TNKS2: variants seen among roughly 807,000 people sequenced by gnomAD.
The protein encoded by TNKS2 is poly [ADP-ribose] polymerase tankyrase-2.
Under a neutral mutation model 137.6 loss-of-function variants are expected in TNKS2, and 72 were observed. The observed-to-expected ratio is 0.52, with a 90% CI of 0.43 to 0.64. TNKS2 has a LOEUF of 0.64. Ranked by LOEUF, TNKS2 falls within the 30% of genes least tolerant of loss-of-function variation. TNKS2 has a pLI of 0.00. For missense variants in TNKS2, 1,049 were observed against 1,410.2 expected (o/e 0.74, Z 4.10); for synonymous variants, 516 against 512.1 (o/e 1.01, Z -0.10).
intron 1 of TNKS2, among the ~76,000 whole-genome samples, chr10:91,804,921 G>C (rs61874698): frequency 1.3e-5 from 2 of 152,000 alleles, no homozygotes; most frequent in Non-Finnish European, 2.9e-5. Context: ...GTACCACCAC[G>C]CCTGGCTAAT....
chr10:91,851,064 T>C (rs1842526020), intron 20 of TNKS2, 152 bp from the exon 21 acceptor site: 8 of 1,035,468 alleles, frequency 7.7e-6, no homozygotes, highest in Non-Finnish European at 1.1e-5. Flanking sequence ...TTAGTTCTGC[T>C]CAGGTTCTTA....
In TNKS2 at chr10:91,844,953, G is replaced by C; in HGVS notation, c.2094G>C (p.Leu698Phe). 1 of 1,613,012 alleles carries C rather than the reference G, an allele frequency of 6.2e-7. No individual in the cohort carries two copies. Among genetic ancestry groups the C allele is most frequent in the Non-Finnish European group, 8.5e-7 (1 of 1,179,440 alleles). ...ATAATTTAGAAGTTGCAGAGTATTT[G>C]TTACAACACGGAGCTGATGTGAATG... is the stretch of plus-strand genomic sequence containing the variant. ...GYNNLEVAEY[L>F]LQHGADVNAQ... Residue 698 changes from leucine to phenylalanine, a missense_variant, in exon 17 of 27, where the codon TTG becomes TTC. Leu to Phe is a conservative substitution (Grantham distance 22). Coordinates refer to ENST00000371627, the MANE Select transcript of TNKS2 (RefSeq NM_025235.4).
chr10:91,813,971 A>G (rs1253879621), intron 2 of TNKS2, among the ~76,000 whole-genome samples: 1 of 152,156 alleles, frequency 6.6e-6, no homozygotes, highest in Non-Finnish European at 1.5e-5. Flanking sequence ...ATAATAACCA[A>G]CTTTGTTACT....
chr10:91,836,324 G>A (rs1293422591), intron 12 of TNKS2, among the ~76,000 whole-genome samples: 1 of 151,694 alleles, frequency 6.6e-6, no homozygotes, highest in Non-Finnish European at 1.5e-5. Flanking sequence ...GTATTTTTAG[G>A]GTTTAATTTT....
Position 91,863,740 on chromosome 10 carries a change from GT to G in TNKS2, c.*742del, listed in dbSNP as rs1842911371. The G allele has an allele frequency of 1.3e-5, 2 of 152,158 alleles. No individual in the cohort carries two copies. Among genetic ancestry groups the G allele is most frequent in the South Asian group, 4.1e-4 (2 of 4,826 alleles). The allele number at this position is 152,158 out of a possible 1,614,324, so 9.4% of individuals were successfully genotyped here. A position where few individuals can be genotyped will look rare whatever the true frequency, so the allele number is the denominator to read the frequency against. On this transcript the variant is annotated 3_prime_UTR_variant, in exon 27 of 27. Transcript: ENST00000371627. ...TTCCAAAGAGCTCTAACTATGATAGGTCCTGATTACTAAAGAAGCTTCTTTA... is the reference window on the plus strand; with the variant it reads ...TTCCAAAGAGCTCTAACTATGATAGGCCTGATTACTAAAGAAGCTTCTTTA...
chr10:91,820,131 A>T (rs1844840227), intron 6 of TNKS2, 98 bp downstream of exon 6: 1 of 749,732 alleles, frequency 1.3e-6, no homozygotes, highest in African/African-American at 1.8e-5. Flanking sequence ...ACTAAATAAC[A>T]TTAATATATA....
chr10:91,849,388 C>T (rs1030356447), intron 19 of TNKS2, 124 bp from the exon 20 acceptor site: 3 of 680,312 alleles, frequency 4.4e-6, no homozygotes, highest in African/African-American at 3.7e-5. Context: ...AGTATTATAT[C>T]CTAAGTGGCT....
intron 7 of TNKS2, among the ~76,000 whole-genome samples, chr10:91,824,296 C>T (rs1297314523): frequency 6.6e-6 from 1 of 152,220 alleles, no homozygotes; most frequent in Admixed American, 6.5e-5. Flanking sequence ...TGGCATTTAA[C>T]AGCAAACACC....
rs141217618 is a variant in TNKS2 at position 91,804,720 on chromosome 10, C to G, written c.199+5831C>G. ...GAGACCATAACAATAGAGATTTTAT[C>G]AAGGATTACTCCTCAGTTTGGGAAG... On this transcript the variant is annotated intron_variant, in intron 1 of 26. Transcript: ENST00000371627. 2.1e-3 allele frequency among the ~76,000 whole-genome samples: 327 copies of G among 152,250 alleles called. 1 individual carries two copies. The highest frequency in any genetic ancestry group is 5.4e-3 in the Admixed American group (82 of 15,292).
At position 91,813,055 on chromosome 10, in the gene TNKS2, G is replaced by A; in HGVS notation, c.272G>A (p.Gly91Asp). 6.2e-7 allele frequency: 1 copy of A among 1,614,088 alleles called. No individual in the cohort carries two copies. The highest frequency in any genetic ancestry group is 1.6e-4 in the Middle Eastern group (1 of 6,062). The change falls in exon 2 of 27, where the codon GGC becomes GAC. Residue 91 changes from glycine (G) to aspartate (D), a missense_variant. Coordinates refer to ENST00000371627, the MANE Select transcript of TNKS2 (RefSeq NM_025235.4). ...GANVQARDDG[G>D]LIPLHNACSF... ...AATGTCCAAGCACGTGATGATGGGG[G>A]CCTTATTCCTCTTCATAATGCATGC...
intron 5 of TNKS2, 120 bp from the exon 6 acceptor site, chr10:91,819,819 G>A: frequency 2.5e-6 from 2 of 813,096 alleles, no homozygotes; most frequent in East Asian, 2.9e-5. Flanking sequence ...AAACCAAATT[G>A]ATAACTACTT....
intron 13 of TNKS2, among the ~76,000 whole-genome samples, chr10:91,838,149 A>G (rs1564620703): frequency 6.6e-6 from 1 of 151,158 alleles, no homozygotes; most frequent in African/African-American, 2.4e-5. Flanking sequence ...TATTTAGTAA[A>G]CATGTTAAAG....
At chr10:91,810,646 G>A (rs958173364) in intron 1 of TNKS2, among the ~76,000 whole-genome samples, 3 of 150,832 alleles carry the variant, frequency 2.0e-5, no homozygotes, top group African/African-American at 7.3e-5. Context: ...GGGACTACAG[G>A]CACCTGCCAC....
intron 23 of TNKS2, 138 bp from the exon 24 acceptor site, chr10:91,857,287 G>A (rs1041239979): frequency 3.1e-5 from 14 of 452,540 alleles, no homozygotes; most frequent in Non-Finnish European, 3.9e-5. Context: ...ATTTTTAGTT[G>A]ATTAAAATAA....
intron 1 of TNKS2, chr10:91,807,324 C>T: frequency 1.2e-6 from 2 of 1,614,032 alleles, no homozygotes; most frequent in Non-Finnish European, 1.7e-6. Context: ...TACTTTAACA[C>T]ACAAGTTCCC....
In TNKS2 at chr10:91,858,749, C is replaced by T. The variant is rs544475823; in HGVS notation, c.3095-713C>T. Among the ~76,000 whole-genome samples, 19 of 152,342 alleles carry T rather than the reference C, an allele frequency of 1.2e-4. No homozygotes were observed. The South Asian group carries it at 3.9e-3, about 32-fold the overall frequency. On this transcript the variant is annotated intron_variant, in intron 24 of 26. Coordinates refer to ENST00000371627, the MANE Select transcript of TNKS2 (RefSeq NM_025235.4). The stretch of plus-strand genomic sequence containing the variant: ...TTGGGCCGGGTGCGGTGGCTCACGC[C>T]TGTAATCCCAACACTTTGGGAGGCC...
chr10:91,813,311 ATATT>A (rs1308930431), intron 2 of TNKS2, 104 bp downstream of exon 2: 8 of 1,006,450 alleles, frequency 7.9e-6, no homozygotes, highest in African/African-American at 1.6e-5. Context: ...CTGAATTTAA[ATATT>A]TAAGAACATC....
At chr10:91,842,890 T>C (rs1842257517) in intron 16 of TNKS2, among the ~76,000 whole-genome samples, 1 of 152,246 alleles carries the variant, frequency 6.6e-6, no homozygotes, top group African/African-American at 2.4e-5. Context: ...TTCACTTTAT[T>C]ACTAGTATGT....
At chr10:91,830,834 C>G (rs1391713843) in intron 9 of TNKS2, 89 bp from the exon 10 acceptor site, 2 of 1,099,310 alleles carry the variant, frequency 1.8e-6, no homozygotes, top group Non-Finnish European at 2.6e-6. Context: ...GATTAAATAA[C>G]TACTTGATTG....
Sources: gnomAD v4.1 joint callset for allele counts (sites outside exome capture counted in the v4.1 genomes callset) on GRCh38, gnomAD v4.1.1 for gene constraint, MANE v1.5 for transcripts, NCBI Gene and HGNC (gene_info 2026-07-23, HGNC 2026-07-21) for gene names.